Variants in TRDN observed in about 807,000 individuals in gnomAD.
TRDN encodes the protein triadin in skeletal muscle.
A neutral mutation model predicts 149.7 loss-of-function variants in TRDN; 161 were observed. That is an observed-to-expected ratio of 1.08 (90% CI 0.95 to 1.23). The LOEUF (loss-of-function observed/expected upper bound fraction) is 1.23, where lower values mean the gene tolerates loss of function less well. TRDN is among the 50% of genes most tolerant of loss of function. TRDN has a pLI of 0.00. For missense variants in TRDN, 896 were observed against 823.5 expected, an observed-to-expected ratio of 1.09 and a Z score of -1.08; for synonymous variants, 294 against 250.5, an observed-to-expected ratio of 1.17 and a Z score of -1.64.
At chr6:123,267,822 G>A (rs1433627777) in intron 31 of TRDN, 71 bp from the exon 32 acceptor site, 44 of 1,247,080 alleles carry the variant, frequency 3.5e-5, no homozygotes, top group Admixed American at 1.8e-4. Flanking sequence ...TTATATATTT[G>A]CAAGTGATCC....
intron 1 of TRDN, among the ~76,000 whole-genome samples, chr6:123,632,069 C>T (rs1227150258): frequency 6.6e-6 from 1 of 152,036 alleles, no homozygotes; most frequent in East Asian, 1.9e-4. Context: ...TTGTTTGAAT[C>T]ATGATCCAAC....
At chr6:123,381,988 T>TCTCC in intron 15 of TRDN, 130 bp downstream of exon 15, 1 of 583,688 alleles carries the variant, frequency 1.7e-6, no homozygotes. Flanking sequence ...TCTCTCTCTC[T>TCTCC]CAATCTCAAT....
chr6:123,355,736 C>T (rs1017707652), intron 20 of TRDN, among the ~76,000 whole-genome samples: 1 of 151,682 alleles, frequency 6.6e-6, no homozygotes, highest in African/African-American at 2.4e-5. Context: ...TTTACAAAAT[C>T]AAGTCATCTG....
chr6:123,427,434 A>G (rs1208197390), intron 12 of TRDN, among the ~76,000 whole-genome samples: 1 of 152,242 alleles, frequency 6.6e-6, no homozygotes, highest in Admixed American at 6.5e-5. Context: ...AAAAAATAGC[A>G]TCTTGTAAGT....
intron 2 of TRDN, among the ~76,000 whole-genome samples, chr6:123,557,285 C>T (rs527786739): frequency 5.9e-5 from 9 of 152,144 alleles, no homozygotes; most frequent in South Asian, 4.2e-4. Flanking sequence ...TGACTCGGAT[C>T]GGGGGACCTC....
At chr6:123,548,022 A>G (rs1009936420) in intron 3 of TRDN, among the ~76,000 whole-genome samples, 2 of 152,024 alleles carry the variant, frequency 1.3e-5, no homozygotes, top group African/African-American at 2.4e-5. Flanking sequence ...GCTTTCTGCT[A>G]TTTGACTATA....
At chr6:123,361,517 A>C (rs2114340391) in intron 20 of TRDN, among the ~76,000 whole-genome samples, 1 of 152,044 alleles carries the variant, frequency 6.6e-6, no homozygotes, top group Non-Finnish European at 1.5e-5. Flanking sequence ...TTAAAGTATA[A>C]TAAAAAAAAA....
At chr6:123,436,111 C>A (rs1397190599) in intron 12 of TRDN, among the ~76,000 whole-genome samples, 1 of 152,090 alleles carries the variant, frequency 6.6e-6, no homozygotes, top group Non-Finnish European at 1.5e-5. Flanking sequence ...AATTACAACT[C>A]AAAATTTTCT....
chr6:123,442,391 A>C lies in TRDN; in HGVS notation c.932-3388T>G, dbSNP rs978130227. ...ACCCCGTCTCTACTAAAAATACAAA[A>C]AAAAATTAGCCGGGCGTGATGGTGG... On this transcript the variant is annotated intron_variant, in intron 10 of 40. Transcript: ENST00000334268. 46 of 141,534 alleles carry C rather than the reference A, an allele frequency of 3.3e-4. 5 individuals carry two copies. Among genetic ancestry groups the C allele is most frequent in the African/African-American group, 1.3e-3 (44 of 34,336 alleles). The allele number at this position is 141,534 out of a possible 1,614,324, so 8.8% of individuals were successfully genotyped here.
At chr6:123,606,112 T>A (rs1784516297) in intron 1 of TRDN, among the ~76,000 whole-genome samples, 1 of 152,098 alleles carries the variant, frequency 6.6e-6, no homozygotes, top group South Asian at 2.1e-4. Context: ...AAGATAAAAA[T>A]GACATTTAAT....
At position 123,471,856 on chromosome 6, in the gene TRDN, T is replaced by C. The variant is rs535914741; in HGVS notation, c.854-6873A>G. 3 of 152,318 alleles carry C rather than the reference T, an allele frequency of 2.0e-5. No individual in the cohort carries two copies. In the South Asian group the frequency reaches 6.2e-4, roughly 32 times the overall value. 9.4% of individuals were successfully genotyped at this position (152,318 alleles called of 1,614,324 possible). On this transcript the variant is annotated intron_variant, in intron 9 of 40. Coordinates refer to ENST00000334268, the MANE Select transcript of TRDN (RefSeq NM_006073.4). Reference sequence around the variant, plus strand: ...AGAAAAGAAATATGATAAATTCAGATCATATCATTGTTCCATTTATCCTTG... The same window carrying C: ...AGAAAAGAAATATGATAAATTCAGACCATATCATTGTTCCATTTATCCTTG...
intron 1 of TRDN, among the ~76,000 whole-genome samples, chr6:123,593,241 C>T (rs1235014577): frequency 1.3e-5 from 2 of 152,204 alleles, no homozygotes; most frequent in African/African-American, 4.8e-5. Context: ...AAAATCATCA[C>T]ACAAGCCAGA....
chr6:123,528,759 G>A (rs1020697814), intron 5 of TRDN: 59 of 990,106 alleles, frequency 6.0e-5, no homozygotes, highest in Non-Finnish European at 7.0e-5. Context: ...TTACAGACGG[G>A]AAACTAAGCA....
At chr6:123,536,116 T>C (rs1780514970) in intron 4 of TRDN, among the ~76,000 whole-genome samples, 1 of 152,194 alleles carries the variant, frequency 6.6e-6, no homozygotes, top group South Asian at 2.1e-4. Context: ...TATGTTAAAA[T>C]GTAAAACATT....
chr6:123,444,745 G>A (rs184635129), intron 10 of TRDN, among the ~76,000 whole-genome samples: 1 of 152,186 alleles, frequency 6.6e-6, no homozygotes, highest in East Asian at 1.9e-4. Context: ...TGTTGAATTT[G>A]TCAAAGGCCT....
rs146127438 is a variant in TRDN at position 123,352,429 on chromosome 6, GTAA to G, written c.1369+107_1369+109del. 1,106 of 1,496,590 alleles carry G rather than the reference GTAA, an allele frequency of 7.4e-4. 7 individuals are homozygous for G. The African/African-American group carries it at 0.012, about 16-fold the overall frequency. The allele number at this position is 1,496,590 out of a possible 1,614,324, so 92.7% of individuals were successfully genotyped here. On this transcript the variant is annotated intron_variant, in intron 21 of 40. Transcript: ENST00000334268. ...AAACATGCAAGGACAGTGATAAAGA[GTAA>G]TAGACTTAAAGGTTATTGTCTTCCG... is the stretch of plus-strand genomic sequence containing the variant.
rs555383967 is a variant in TRDN at position 123,382,127 on chromosome 6, G to T, written c.1156C>A (p.Pro386Thr). 7.4e-6 allele frequency: 11 copies of T among 1,496,582 alleles called. No individual in the cohort carries two copies. The African/African-American group carries it at 1.4e-4, about 20-fold the overall frequency. 92.7% of individuals were successfully genotyped at this position (1,496,582 alleles called of 1,614,324 possible). A position where few individuals can be genotyped will look rare whatever the true frequency, so the allele number is the denominator to read the frequency against. The change falls in exon 15 of 41, where the codon CCT becomes ACT. Residue 386 changes from proline (P) to threonine (T), a missense_variant. Coordinates refer to ENST00000334268, the MANE Select transcript of TRDN (RefSeq NM_006073.4). ...KKEDSKKTKK[P>T]AEVEQPKGKK... ...GAAATATGTCCAGTACCTTCTGCAG[G>T]TTTTTTTGTTTTCTTGGAATCTGAA...
At chr6:123,427,025 G>A (rs1203192746) in intron 12 of TRDN, among the ~76,000 whole-genome samples, 12 of 151,778 alleles carry the variant, frequency 7.9e-5, no homozygotes, top group Non-Finnish European at 1.8e-4. Flanking sequence ...TTGTCTTTGG[G>A]GTTTTTCTAC....
chr6:123,305,468 G>C (rs1389173619), intron 24 of TRDN, among the ~76,000 whole-genome samples: 1 of 152,092 alleles, frequency 6.6e-6, no homozygotes, highest in African/African-American at 2.4e-5. Flanking sequence ...CATAAAAGTG[G>C]TAAAATGAGA....
Sources: gnomAD v4.1 joint callset for allele counts (sites outside exome capture counted in the v4.1 genomes callset) on GRCh38, gnomAD v4.1.1 for gene constraint, MANE v1.5 for transcripts, NCBI Gene and HGNC (gene_info 2026-07-23, HGNC 2026-07-21) for gene names.